DLG2: variants seen among roughly 807,000 people sequenced by gnomAD.
The protein encoded by DLG2 is disks large homolog 2.
A neutral mutation model predicts 132.5 loss-of-function variants in DLG2; 45 were observed. The ratio of observed to expected loss-of-function variants is 0.34; its 90% CI spans 0.27 to 0.44. The LOEUF is 0.44. DLG2 is among the 20% of genes least tolerant of loss of function. The pLI is 1.00. For missense variants in DLG2, 1,045 were observed against 1,196.9 expected (o/e 0.87, Z 1.87); for synonymous variants, 424 against 419.6 (o/e 1.01, Z -0.13).
chr11:84,888,571 T>G (rs1296256143), intron 6 of DLG2, among the ~76,000 whole-genome samples: 4 of 152,066 alleles, frequency 2.6e-5, no homozygotes, highest in Non-Finnish European at 5.9e-5. Context: ...TAAATCTCTT[T>G]CTCTCCTTTT....
chr11:83,888,292 C>G (rs2068570955), intron 15 of DLG2, among the ~76,000 whole-genome samples: 1 of 152,186 alleles, frequency 6.6e-6, no homozygotes, highest in Non-Finnish European at 1.5e-5. Context: ...CACAAGCATT[C>G]TTATACACAA....
At chr11:83,808,402 C>T (rs1243142703) in intron 17 of DLG2, among the ~76,000 whole-genome samples, 3 of 152,122 alleles carry the variant, frequency 2.0e-5, no homozygotes, top group Non-Finnish European at 2.9e-5. Flanking sequence ...TTCTGATCAG[C>T]GGTGGGCTCT....
At chr11:83,754,703 G>A (rs2093579201) in intron 18 of DLG2, among the ~76,000 whole-genome samples, 1 of 151,272 alleles carries the variant, frequency 6.6e-6, no homozygotes, top group Non-Finnish European at 1.5e-5. Context: ...AGCTTGTCAT[G>A]TAAGAGATAC....
chr11:84,826,268 T>C (rs968226508), intron 6 of DLG2, among the ~76,000 whole-genome samples: 4 of 151,924 alleles, frequency 2.6e-5, no homozygotes, highest in Non-Finnish European at 5.9e-5. Context: ...AGTCATTCTT[T>C]TGTGCTAGCA....
At chr11:84,253,850 CT>C (rs2097424186) in intron 7 of DLG2, among the ~76,000 whole-genome samples, 1 of 151,988 alleles carries the variant, frequency 6.6e-6, no homozygotes, top group Non-Finnish European at 1.5e-5. Flanking sequence ...CACTAAGCTG[CT>C]TCATAATCCC....
chr11:83,704,006 T>C (rs1446264889), intron 18 of DLG2, among the ~76,000 whole-genome samples: 1 of 152,190 alleles, frequency 6.6e-6, no homozygotes, highest in Non-Finnish European at 1.5e-5. Context: ...ATGACTACCA[T>C]GTACAATAAA....
chr11:84,818,460 A>AATTTAT (rs1469231806), intron 6 of DLG2, among the ~76,000 whole-genome samples: 2 of 151,694 alleles, frequency 1.3e-5, no homozygotes, highest in Non-Finnish European at 2.9e-5. Context: ...TATATTAATA[A>AATTTAT]ATTTATATTT....
chr11:83,800,857 T>C (rs1357277816), intron 17 of DLG2, among the ~76,000 whole-genome samples: 1 of 152,158 alleles, frequency 6.6e-6, no homozygotes, highest in African/African-American at 2.4e-5. Flanking sequence ...TTTATAAGAA[T>C]ATATAAGCAA....
intron 4 of DLG2, among the ~76,000 whole-genome samples, chr11:85,270,188 A>G (rs2077441516): frequency 6.6e-6 from 1 of 152,168 alleles, no homozygotes; most frequent in African/African-American, 2.4e-5. Context: ...GCAGGGACCT[A>G]ATGGGAGGTA....
At chr11:83,905,620 G>C (rs1252812823) in intron 15 of DLG2, among the ~76,000 whole-genome samples, 1 of 152,112 alleles carries the variant, frequency 6.6e-6, no homozygotes, top group East Asian at 1.9e-4. Context: ...GTTTAACATG[G>C]TCATTCTTGC....
At position 83,850,977 on chromosome 11, in the gene DLG2, T is replaced by C. The variant is rs547725177; in HGVS notation, c.1566-17207A>G. ...AGATCACGAGGTCAGGAGATCGAGATCATCCTGGCTAACACGGTGAAACCC... is the reference window on the plus strand; with the variant it reads ...AGATCACGAGGTCAGGAGATCGAGACCATCCTGGCTAACACGGTGAAACCC... On this transcript the variant is annotated intron_variant, in intron 16 of 27. Transcript: ENST00000376104. Among the ~76,000 whole-genome samples, 9 of 151,770 alleles carry C rather than the reference T, an allele frequency of 5.9e-5. No individual in the cohort carries two copies. The East Asian group carries it at 7.9e-4, about 13-fold the overall frequency.
At chr11:84,653,869 C>G (rs1396909234) in intron 6 of DLG2, among the ~76,000 whole-genome samples, 1 of 152,144 alleles carries the variant, frequency 6.6e-6, no homozygotes, top group Non-Finnish European at 1.5e-5. Context: ...ATTGTCTCTT[C>G]TAGCCTTTCT....
chr11:83,707,355 G>A (rs1387213351), intron 18 of DLG2, among the ~76,000 whole-genome samples: 2 of 152,206 alleles, frequency 1.3e-5, no homozygotes, highest in Non-Finnish European at 2.9e-5. Flanking sequence ...CCAGTACCGT[G>A]CAGTGCATGA....
chr11:84,393,321 A>G (rs1601328998), intron 7 of DLG2, among the ~76,000 whole-genome samples: 1 of 152,158 alleles, frequency 6.6e-6, no homozygotes, highest in East Asian at 1.9e-4. Context: ...TGTATATAAA[A>G]CATATATAGA....
intron 7 of DLG2, among the ~76,000 whole-genome samples, chr11:84,528,412 T>A (rs1218987398): frequency 6.6e-6 from 1 of 152,180 alleles, no homozygotes; most frequent in Non-Finnish European, 1.5e-5. Context: ...CAAAGACAGA[T>A]GAATCTTAGA....
intron 3 of DLG2, among the ~76,000 whole-genome samples, chr11:85,331,320 G>A (rs1055536904): frequency 5.3e-5 from 8 of 152,156 alleles, no homozygotes; most frequent in Non-Finnish European, 1.0e-4. Flanking sequence ...ATACCTCTTA[G>A]AGGTAAATGT....
intron 6 of DLG2, among the ~76,000 whole-genome samples, chr11:84,738,969 T>C (rs1488396850): frequency 2.6e-5 from 4 of 152,054 alleles, no homozygotes; most frequent in Admixed American, 6.6e-5. Context: ...TCATTTTACA[T>C]GGAAATATAT....
chr11:85,521,202 G>T (rs541581999), intron 3 of DLG2, among the ~76,000 whole-genome samples: 1 of 152,206 alleles, frequency 6.6e-6, no homozygotes, highest in Admixed American at 6.5e-5. Flanking sequence ...CCTTGTAGGA[G>T]GTGATTAAAC....
rs2079955808 is a variant in DLG2, at chr11:83,930,501, A to G, written c.1341-18T>C. 6.2e-7 allele frequency: 1 copy of G among 1,612,436 alleles called. No homozygotes were observed. The highest frequency in any genetic ancestry group is 8.5e-7 in the Non-Finnish European group (1 of 1,179,070). On this transcript the variant is annotated intron_variant, in intron 14 of 27. Transcript: ENST00000376104. ...CCGGAGGCCTGGTGATACAAGAGGAAGAGAAAGATATGCATGGTTAGTACA... is the reference window on the plus strand; with the variant it reads ...CCGGAGGCCTGGTGATACAAGAGGAGGAGAAAGATATGCATGGTTAGTACA...
Sources: gnomAD v4.1 joint callset for allele counts (sites outside exome capture counted in the v4.1 genomes callset) on GRCh38, gnomAD v4.1.1 for gene constraint, MANE v1.5 for transcripts, NCBI Gene and HGNC (gene_info 2026-07-23, HGNC 2026-07-21) for gene names.